Variants in PHGDH observed in about 807,000 individuals in gnomAD.
PHGDH encodes D-3-phosphoglycerate dehydrogenase.
Under a neutral mutation model 52.6 loss-of-function variants are expected in PHGDH, and 50 were observed. The observed-to-expected ratio is 0.95, with a 90% CI of 0.76 to 1.20. The LOEUF (loss-of-function observed/expected upper bound fraction) is 1.20, where lower values mean the gene tolerates loss of function less well. Ranked by LOEUF, PHGDH falls within the 50% of genes most tolerant of loss-of-function variation. The probability of loss-of-function intolerance (pLI) is 0.00; values close to 1 mark genes in which losing one functional copy is unlikely to be tolerated. For missense variants in PHGDH, 630 were observed against 684.6 expected (o/e 0.92, Z 0.89); for synonymous variants, 271 against 280.5 (o/e 0.97, Z 0.34).
At chr1:119,715,164 CACAA>C (rs1284367535) in intron 1 of PHGDH, among the ~76,000 whole-genome samples, 1 of 152,162 alleles carries the variant, frequency 6.6e-6, no homozygotes. Flanking sequence ...CACAGACACA[CACAA>C]ATTTTATGAA....
chr1:119,720,990 G>A, intron 1 of PHGDH, 180 bp from the exon 2 acceptor site: 1 of 676,398 alleles, frequency 1.5e-6, no homozygotes. Flanking sequence ...AAATCAGCAT[G>A]AGTCCTAGCC....
intron 6 of PHGDH, 59 bp downstream of exon 6, chr1:119,734,825 G>A: frequency 6.3e-7 from 1 of 1,586,242 alleles, no homozygotes; most frequent in Non-Finnish European, 8.6e-7. Flanking sequence ...TTAACAAATG[G>A]GCCCTCCATC....
Position 119,735,854 on chromosome 1 carries a change from A to T in PHGDH, c.792+411A>T, listed in dbSNP as rs115494940. 5.9e-3 allele frequency among the ~76,000 whole-genome samples: 894 copies of T among 152,312 alleles called. 13 individuals are homozygous for T. The highest frequency in any genetic ancestry group is 0.021 in the African/African-American group (858 of 41,574). On this transcript the variant is annotated intron_variant, in intron 7 of 11. Transcript: ENST00000641023. ...CAAGAAAATGTCCTTTTCAGTGTCC[A>T]TGGGCATTCTTTTTCCCTTCTTCTC...
intron 5 of PHGDH, 97 bp downstream of exon 5, chr1:119,727,199 G>T: frequency 1.3e-6 from 1 of 779,654 alleles, no homozygotes; most frequent in East Asian, 2.5e-5. Context: ...TGTTCTAGGA[G>T]GGTCTGACCC....
chr1:119,719,316 A>T (rs1041944971), intron 1 of PHGDH, among the ~76,000 whole-genome samples: 1 of 152,214 alleles, frequency 6.6e-6, no homozygotes, highest in African/African-American at 2.4e-5. Flanking sequence ...TGAAGGAAGA[A>T]AAGTACAGGG....
intron 8 of PHGDH, chr1:119,739,936 G>A (rs947305996): frequency 8.5e-5 from 17 of 200,464 alleles, no homozygotes; most frequent in Admixed American, 5.3e-4. Context: ...TAGTAACAAT[G>A]TAAACACTTA....
In PHGDH at chr1:119,711,948, G is replaced by C. The variant is rs909939236; in HGVS notation, c.-75G>C. On this transcript the variant is annotated 5_prime_UTR_variant, in exon 1 of 12. Coordinates refer to ENST00000641023, the MANE Select transcript of PHGDH (RefSeq NM_006623.4). ...GAGAATACTGCCCAGTTACTCTAGC[G>C]CGCCAGGCCGAACCGCAGCTTCTTG... The C allele has an allele frequency of 4.0e-6, 6 of 1,515,566 alleles. No individual in the cohort carries two copies. The highest frequency in any genetic ancestry group is 1.4e-5 in the African/African-American group (1 of 73,114). 93.9% of individuals were successfully genotyped at this position (1,515,566 alleles called of 1,614,324 possible).
chr1:119,719,834 A>AAT (rs1651073707), intron 1 of PHGDH: 1 of 152,224 alleles, frequency 6.6e-6, no homozygotes, highest in Admixed American at 6.5e-5. Context: ...ATGAAGGTAA[A>AAT]AGAAGGTTTT....
At chr1:119,713,958 T>A (rs190995696) in intron 1 of PHGDH, among the ~76,000 whole-genome samples, 19 of 152,218 alleles carry the variant, frequency 1.2e-4, no homozygotes, top group Non-Finnish European at 4.4e-5. Flanking sequence ...GGGTGGATGC[T>A]GGGAGTCTGG....
chr1:119,744,184 C>T lies in PHGDH; in HGVS notation c.*144C>T. ...ACTGCACTCTGACCCTGTAGTACAGCAATAACCGTCTAATAAAGAGCCTAC... is the reference window on the plus strand; with the variant it reads ...ACTGCACTCTGACCCTGTAGTACAGTAATAACCGTCTAATAAAGAGCCTAC... On this transcript the variant is annotated 3_prime_UTR_variant, in exon 12 of 12. Transcript: ENST00000641023. 1 of 762,162 alleles carries T rather than the reference C, an allele frequency of 1.3e-6. No homozygotes were observed. Among genetic ancestry groups the T allele is most frequent in the Non-Finnish European group, 2.3e-6 (1 of 429,844 alleles). 47.2% of individuals were successfully genotyped at this position (762,162 alleles called of 1,614,324 possible).
rs1435626300 is a variant in PHGDH at position 119,734,570 on chromosome 1, CT to C, written c.511-62del. 95 of 1,460,302 alleles carry C rather than the reference CT, an allele frequency of 6.5e-5. No homozygotes were observed. The East Asian group carries it at 2.1e-3, about 33-fold the overall frequency. The allele number at this position is 1,460,302 out of a possible 1,614,324, so 90.5% of individuals were successfully genotyped here. A position where few individuals can be genotyped will look rare whatever the true frequency, so the allele number is the denominator to read the frequency against. The stretch of plus-strand genomic sequence containing the variant: ...AAATGCTCAAAAAATGTTTGCCATT[CT>C]TAATAATAACAATACTAATAATTAA... On this transcript the variant is annotated intron_variant, in intron 5 of 11. Coordinates refer to ENST00000641023, the MANE Select transcript of PHGDH (RefSeq NM_006623.4).
chr1:119,742,998 A>G lies in PHGDH; in HGVS notation c.1401A>G (p.Leu467=), dbSNP rs768039058. 54 of 1,613,852 alleles carry G rather than the reference A, an allele frequency of 3.3e-5. No homozygotes were observed. Among genetic ancestry groups the G allele is most frequent in the South Asian group, 1.5e-4 (14 of 91,084 alleles). ...VPLRRDLPLL[L]FRTQTSDPAM... ...TCCGCAGGGACCTGCCCCTGCTCCT[A>G]TTCCGGACTCAGACCTCTGACCCTG... Residue 467 remains leucine, a synonymous_variant, in exon 11 of 12, where the codon CTA becomes CTG. Coordinates refer to ENST00000641023, the MANE Select transcript of PHGDH (RefSeq NM_006623.4).
intron 1 of PHGDH, among the ~76,000 whole-genome samples, chr1:119,715,087 TTGAC>T (rs1650868358): frequency 6.6e-6 from 1 of 152,242 alleles, no homozygotes; most frequent in Non-Finnish European, 1.5e-5. Context: ...CTTTTAAACT[TTGAC>T]TGTGACCCAC....
At chr1:119,712,941 G>A (rs901404133) in intron 1 of PHGDH, 1 of 152,408 alleles carries the variant, frequency 6.6e-6, no homozygotes, top group Non-Finnish European at 1.5e-5. Flanking sequence ...GACCAGACTC[G>A]ACTAGAATCC....
At chr1:119,733,483 G>T (rs1298725366) in intron 5 of PHGDH, among the ~76,000 whole-genome samples, 1 of 146,074 alleles carries the variant, frequency 6.8e-6, no homozygotes, top group Admixed American at 6.9e-5. Flanking sequence ...ACAGGTGCAT[G>T]CCACCAAACT....
At position 119,712,109 on chromosome 1, in the gene PHGDH, G is replaced by T. The variant is rs147049140; in HGVS notation, c.87G>T (p.Gln29His). Reference protein sequence around the residue: ...CRKILQDGGLQVVEKQNLSKE... With the variant: ...CRKILQDGGLHVVEKQNLSKE... ...AGATCTTGCAAGATGGAGGGCTGCA[G>T]GTGGTGGAAAAGCAGAACCTTAGCA... The change falls in exon 1 of 12, where the codon CAG (glutamine) becomes CAT (histidine). Residue 29 changes from glutamine (Q) to histidine (H), a missense_variant. By Grantham distance (24) the Gln-to-His change is conservative. Transcript: ENST00000641023. 21 of 1,614,098 alleles carry T rather than the reference G, an allele frequency of 1.3e-5. No homozygotes were observed. In the African/African-American group the frequency reaches 2.0e-4, roughly 15 times the overall value.
chr1:119,723,303 G>C, intron 2 of PHGDH, 73 bp from the exon 3 acceptor site: 1 of 1,188,948 alleles, frequency 8.4e-7, no homozygotes, highest in Non-Finnish European at 1.3e-6. Flanking sequence ...CTGCACTCAA[G>C]GCTTTCTCTT....
At chr1:119,718,020 C>T (rs1385489925) in intron 1 of PHGDH, among the ~76,000 whole-genome samples, 1 of 152,204 alleles carries the variant, frequency 6.6e-6, no homozygotes, top group Non-Finnish European at 1.5e-5. Context: ...AGCTTGCCTA[C>T]AGGCCACAGG....
Position 119,742,956 on chromosome 1 carries a change from C to T in PHGDH, c.1359C>T (p.Phe453=). ...TGCAGGGGCTCAATGGAGCTGTCTTCAGGCCAGAAGTGCCTCTCCGCAGGG... is the reference window on the plus strand; with the variant it reads ...TGCAGGGGCTCAATGGAGCTGTCTTTAGGCCAGAAGTGCCTCTCCGCAGGG... ...PVLQGLNGAV[F]RPEVPLRRDL... The change falls in exon 11 of 12, where the codon TTC becomes TTT. Residue 453 remains phenylalanine, a synonymous_variant. Transcript: ENST00000641023. 1 of 1,614,130 alleles carries T rather than the reference C, an allele frequency of 6.2e-7. No homozygotes were observed. The highest frequency in any genetic ancestry group is 8.5e-7 in the Non-Finnish European group (1 of 1,179,926).
Sources: gnomAD v4.1 joint callset for allele counts (sites outside exome capture counted in the v4.1 genomes callset) on GRCh38, gnomAD v4.1.1 for gene constraint, MANE v1.5 for transcripts, NCBI Gene and HGNC (gene_info 2026-07-23, HGNC 2026-07-21) for gene names.